Variants in ALK observed in about 807,000 individuals in gnomAD.
ALK encodes the protein ALK receptor tyrosine kinase, also known as ALK tyrosine kinase receptor.
Under a neutral mutation model 163.1 loss-of-function variants are expected in ALK, and 74 were observed. The observed-to-expected ratio is 0.45, with a 90% CI of 0.38 to 0.55. The LOEUF is 0.55. ALK is among the 20% of genes least tolerant of loss of function. The probability of loss-of-function intolerance (pLI) is 0.00; values close to 1 mark genes in which losing one functional copy is unlikely to be tolerated. For synonymous variants in ALK, 960 were observed against 843.2 expected (o/e 1.14, Z -2.40); for missense variants, 2,063 against 2,105.3 (o/e 0.98, Z 0.39).
chr2:29,826,632 GA>G lies in ALK; in HGVS notation c.667+93360del, dbSNP rs549358651. ...CAAATGTTCTTGGTGTGCAAGGAAT[GA>G]GGAGAATAATGTTCTTACACTTCCC... On this transcript the variant is annotated intron_variant, in intron 1 of 28. Coordinates refer to ENST00000389048, the MANE Select transcript of ALK (RefSeq NM_004304.5). Among the ~76,000 whole-genome samples, 53 of 152,284 alleles carry G rather than the reference GA, an allele frequency of 3.5e-4. 1 individual carries two copies. Among genetic ancestry groups the G allele is most frequent in the African/African-American group, 1.2e-3 (50 of 41,556 alleles).
intron 5 of ALK, among the ~76,000 whole-genome samples, chr2:29,350,144 C>T (rs539098488): frequency 9.1e-4 from 138 of 152,304 alleles, no homozygotes; most frequent in Non-Finnish European, 1.7e-3. Context: ...TAAATAATCC[C>T]GGTCCTGTCT....
At chr2:29,667,260 T>G (rs1161773319) in intron 3 of ALK, among the ~76,000 whole-genome samples, 2 of 152,114 alleles carry the variant, frequency 1.3e-5, no homozygotes, top group Non-Finnish European at 2.9e-5. Flanking sequence ...AACTTCTTAC[T>G]GTTCTCCATA....
chr2:29,473,707 GA>G (rs57724229), intron 4 of ALK, among the ~76,000 whole-genome samples: 65,789 of 150,194 alleles, frequency 0.44, 14,929 homozygotes, highest in South Asian at 0.59. Flanking sequence ...CATCTCTACT[GA>G]AAAAAAAAAT....
chr2:29,417,855 C>A (rs549475486), intron 4 of ALK, among the ~76,000 whole-genome samples: 12 of 152,332 alleles, frequency 7.9e-5, no homozygotes, highest in Admixed American at 1.3e-4. Flanking sequence ...TGTATTGTAG[C>A]ATAACAGCAT....
At chr2:29,226,652 T>C (rs1265833237) in intron 18 of ALK, among the ~76,000 whole-genome samples, 1 of 152,078 alleles carries the variant, frequency 6.6e-6, no homozygotes, top group Admixed American at 6.5e-5. Flanking sequence ...AAGATCCCTG[T>C]CACTGGGCAT....
chr2:29,768,484 T>C (rs1296716235), intron 1 of ALK, among the ~76,000 whole-genome samples: 2 of 152,118 alleles, frequency 1.3e-5, no homozygotes, highest in African/African-American at 2.4e-5. Context: ...TGTCAGAAGA[T>C]GTCAAAATAC....
chr2:29,632,910 G>A (rs1047406389), intron 3 of ALK, among the ~76,000 whole-genome samples: 3 of 152,110 alleles, frequency 2.0e-5, no homozygotes, highest in African/African-American at 7.2e-5. Context: ...GAACAGTATG[G>A]GGGAAACTGC....
chr2:29,604,531 T>G (rs1233363923), intron 3 of ALK, among the ~76,000 whole-genome samples: 1 of 152,182 alleles, frequency 6.6e-6, no homozygotes, highest in Non-Finnish European at 1.5e-5. Context: ...GCAGGTTTTC[T>G]AGGTATCTGG....
intron 3 of ALK, among the ~76,000 whole-genome samples, chr2:29,643,194 G>A (rs866224632): frequency 3.3e-5 from 5 of 152,064 alleles, no homozygotes; most frequent in Admixed American, 1.3e-4. Flanking sequence ...TTTGAAATAT[G>A]CATTGAAAAG....
chr2:29,468,175 C>T (rs1452353513), intron 4 of ALK, among the ~76,000 whole-genome samples: 1 of 152,040 alleles, frequency 6.6e-6, no homozygotes, highest in African/African-American at 2.4e-5. Flanking sequence ...ACTACAGGCA[C>T]GTGCCACCAC....
At chr2:29,787,603 T>C (rs974706479) in intron 1 of ALK, among the ~76,000 whole-genome samples, 1 of 152,134 alleles carries the variant, frequency 6.6e-6, no homozygotes, top group African/African-American at 2.4e-5. Flanking sequence ...AGGGAGCTGA[T>C]ACATTCGTGG....
chr2:29,343,208 AATT>A (rs1558684299), intron 5 of ALK, among the ~76,000 whole-genome samples: 8 of 136,310 alleles, frequency 5.9e-5, no homozygotes, highest in Non-Finnish European at 7.8e-5. Context: ...AAAATTTAAA[AATT>A]TTTTTTTTTT....
chr2:29,648,995 G>C (rs1248172075), intron 3 of ALK, among the ~76,000 whole-genome samples: 1 of 152,040 alleles, frequency 6.6e-6, no homozygotes, highest in Non-Finnish European at 1.5e-5. Flanking sequence ...CTGACTTCTA[G>C]GTCCCCAAAT....
chr2:29,651,091 A>G (rs1262767892), intron 3 of ALK, among the ~76,000 whole-genome samples: 1 of 152,072 alleles, frequency 6.6e-6, no homozygotes, highest in Non-Finnish European at 1.5e-5. Flanking sequence ...CAGAAATCTC[A>G]GCCCCCTCTA....
chr2:29,299,428 T>C (rs1666303967), intron 8 of ALK, among the ~76,000 whole-genome samples: 1 of 152,210 alleles, frequency 6.6e-6, no homozygotes, highest in Non-Finnish European at 1.5e-5. Flanking sequence ...GAATTCTCCA[T>C]TTCAGAATGG....
chr2:29,399,296 T>C (rs1669387077), intron 4 of ALK, among the ~76,000 whole-genome samples: 1 of 152,216 alleles, frequency 6.6e-6, no homozygotes, highest in African/African-American at 2.4e-5. Flanking sequence ...GGTTCCAACC[T>C]AGATCTGTCA....
At chr2:29,644,088 G>A (rs571208684) in intron 3 of ALK, among the ~76,000 whole-genome samples, 3 of 151,908 alleles carry the variant, frequency 2.0e-5, no homozygotes, top group African/African-American at 2.4e-5. Flanking sequence ...ATGAGTTCAC[G>A]TCCTTTGTAG....
chr2:29,470,088 C>T (rs536092188), intron 4 of ALK, among the ~76,000 whole-genome samples: 27 of 151,842 alleles, frequency 1.8e-4, no homozygotes, highest in African/African-American at 4.8e-4. Context: ...AATACAATAA[C>T]GAATTAATAA....
intron 3 of ALK, among the ~76,000 whole-genome samples, chr2:29,620,007 G>T (rs1304500615): frequency 6.6e-6 from 1 of 152,218 alleles, no homozygotes; most frequent in East Asian, 1.9e-4. Flanking sequence ...AGGTTTCTGG[G>T]TTCATTACTT....
Sources: allele counts gnomAD v4.1 joint callset (sites outside exome capture counted in the v4.1 genomes callset), GRCh38; gene constraint gnomAD v4.1.1; transcripts MANE v1.5; gene names NCBI Gene and HGNC (gene_info 2026-07-23, HGNC 2026-07-21).